ADARB2: variants seen among roughly 807,000 people sequenced by gnomAD.
ADARB2 encodes the protein adenosine deaminase RNA specific B2 (inactive), also known as inactive double-stranded RNA-specific editase B2.
Under a neutral mutation model 62.2 loss-of-function variants are expected in ADARB2, and 25 were observed. The ratio of observed to expected loss-of-function variants is 0.40; its 90% confidence interval spans 0.29 to 0.56. The LOEUF is 0.56. Ranked by LOEUF, ADARB2 falls within the 20% of genes least tolerant of loss-of-function variation. ADARB2 has a pLI of 0.43. For missense variants in ADARB2, 1,071 were observed against 1,077.4 expected, an observed-to-expected ratio of 0.99 and a Z score of 0.08; for synonymous variants, 572 against 500.8, an observed-to-expected ratio of 1.14 and a Z score of -1.90.
chr10:1,405,334 T>C (rs984438231), intron 1 of ADARB2, among the ~76,000 whole-genome samples: 7 of 152,202 alleles, frequency 4.6e-5, no homozygotes, highest in Non-Finnish European at 1.0e-4. Context: ...AATCTTGAGC[T>C]TCAATTTGCT....
At chr10:1,247,460 G>A (rs978433905) in intron 4 of ADARB2, among the ~76,000 whole-genome samples, 1 of 152,184 alleles carries the variant, frequency 6.6e-6, no homozygotes, top group South Asian at 2.1e-4. Context: ...GATATTGGCT[G>A]TGGGTTTGTC....
chr10:1,637,081 G>C (rs1421768161), intron 1 of ADARB2, among the ~76,000 whole-genome samples: 1 of 151,960 alleles, frequency 6.6e-6, no homozygotes, highest in Non-Finnish European at 1.5e-5. Context: ...AAATCTTACA[G>C]AATTAAAGGT....
chr10:1,324,973 G>A (rs1831830515), intron 3 of ADARB2, among the ~76,000 whole-genome samples: 1 of 152,200 alleles, frequency 6.6e-6, no homozygotes, highest in Non-Finnish European at 1.5e-5. Context: ...GGGACACTGG[G>A]CACAGGTACA....
At chr10:1,473,510 G>A (rs964130502) in intron 1 of ADARB2, among the ~76,000 whole-genome samples, 1 of 152,142 alleles carries the variant, frequency 6.6e-6, no homozygotes, top group East Asian at 1.9e-4. Flanking sequence ...CTCCTGAGAA[G>A]CTGGGACTAC....
intron 1 of ADARB2, among the ~76,000 whole-genome samples, chr10:1,544,018 C>CA (rs777877743): frequency 0.23 from 25,156 of 107,370 alleles, 2,562 homozygotes; most frequent in Non-Finnish European, 0.27. Context: ...AAAAAACAAA[C>CA]AAAAAAAAAA....
At chr10:1,311,983 G>A (rs182536050) in intron 3 of ADARB2, among the ~76,000 whole-genome samples, 1 of 152,218 alleles carries the variant, frequency 6.6e-6, no homozygotes, top group African/African-American at 2.4e-5. Context: ...GCGGACTCAG[G>A]ATGGAATCTT....
At chr10:1,695,325 CAG>C (rs962033841) in intron 1 of ADARB2, among the ~76,000 whole-genome samples, 2 of 152,166 alleles carry the variant, frequency 1.3e-5, no homozygotes, top group African/African-American at 4.8e-5. Flanking sequence ...TCAGAGCAGA[CAG>C]AGTGACCCCC....
At chr10:1,283,588 CTA>C (rs200197564) in intron 3 of ADARB2, among the ~76,000 whole-genome samples, 3,977 of 152,234 alleles carry the variant, frequency 0.026, 62 homozygotes, top group Middle Eastern at 0.048. Flanking sequence ...TGTAGACAGC[CTA>C]TATGGCCTGT....
At chr10:1,561,921 C>T (rs544300674) in intron 1 of ADARB2, among the ~76,000 whole-genome samples, 2 of 152,350 alleles carry the variant, frequency 1.3e-5, no homozygotes, top group South Asian at 4.1e-4. Context: ...GTCTTTGCTC[C>T]TGATGCCTAG....
At chr10:1,351,689 A>T (rs1475126548) in intron 3 of ADARB2, among the ~76,000 whole-genome samples, 1 of 151,718 alleles carries the variant, frequency 6.6e-6, no homozygotes, top group East Asian at 1.9e-4. Flanking sequence ...TCCCATTAAA[A>T]CCTAATCACC....
rs576848960 is a variant in ADARB2 at position 1,302,186 on chromosome 10, C to T, written c.1078-31117G>A. 3.5e-4 allele frequency among the ~76,000 whole-genome samples: 54 copies of T among 152,228 alleles called. 1 individual carries two copies. The South Asian group carries it at 0.011, about 30-fold the overall frequency. On this transcript the variant is annotated intron_variant, in intron 3 of 9. Coordinates refer to ENST00000381312, the MANE Select transcript of ADARB2 (RefSeq NM_018702.4). ...GTGGGTGCGCACACCGTGCGCGAGC[C>T]GAAGCAGGGCGAGGCATTGCCTCAC...
intron 1 of ADARB2, among the ~76,000 whole-genome samples, chr10:1,491,150 C>CTCAGGCTT (rs1564306407): frequency 1.3e-5 from 2 of 152,158 alleles, no homozygotes; most frequent in African/African-American, 4.8e-5. Context: ...ATGGCTCACA[C>CTCAGGCTT]AAGCCTCAAC....
intron 1 of ADARB2, among the ~76,000 whole-genome samples, chr10:1,678,486 GC>G: frequency 6.6e-6 from 1 of 152,220 alleles, no homozygotes; most frequent in East Asian, 1.9e-4. Flanking sequence ...TTTGGGGCAT[GC>G]AGGGGGGCTG....
intron 4 of ADARB2, among the ~76,000 whole-genome samples, chr10:1,268,352 AAAT>A (rs1319416717): frequency 1.3e-5 from 2 of 152,064 alleles, no homozygotes; most frequent in African/African-American, 2.4e-5. Context: ...AATTTGATAA[AAAT>A]AAAAACTTCT....
At chr10:1,274,053 G>A (rs972370816) in intron 3 of ADARB2, among the ~76,000 whole-genome samples, 2 of 152,252 alleles carry the variant, frequency 1.3e-5, no homozygotes, top group Admixed American at 1.3e-4. Context: ...GGTCTAGAAA[G>A]CCTTGTCCAA....
intron 1 of ADARB2, among the ~76,000 whole-genome samples, chr10:1,470,393 C>T (rs1055558704): frequency 2.6e-5 from 4 of 152,220 alleles, no homozygotes; most frequent in Admixed American, 1.3e-4. Flanking sequence ...TGCAAATACA[C>T]ATCACTCTGC....
intron 1 of ADARB2, among the ~76,000 whole-genome samples, chr10:1,573,879 G>A (rs1832973050): frequency 6.6e-6 from 1 of 152,228 alleles, no homozygotes; most frequent in African/African-American, 2.4e-5. Flanking sequence ...ATAGAGGTCA[G>A]TGACACCCAG....
At chr10:1,557,407 C>A (rs1445268357) in intron 1 of ADARB2, among the ~76,000 whole-genome samples, 1 of 152,120 alleles carries the variant, frequency 6.6e-6, no homozygotes, top group Non-Finnish European at 1.5e-5. Context: ...AACGGCAAAC[C>A]CTGCCACCTG....
At chr10:1,428,514 C>G (rs966604738) in intron 1 of ADARB2, among the ~76,000 whole-genome samples, 1 of 151,980 alleles carries the variant, frequency 6.6e-6, no homozygotes, top group South Asian at 2.1e-4. Flanking sequence ...GTCTCGATCT[C>G]CTGACCTCGT....
Sources: gnomAD v4.1 joint callset for allele counts (sites outside exome capture counted in the v4.1 genomes callset) on GRCh38, gnomAD v4.1.1 for gene constraint, MANE v1.5 for transcripts, NCBI Gene and HGNC (gene_info 2026-07-23, HGNC 2026-07-21) for gene names.